Variants in RBFOX1 observed in about 807,000 individuals in gnomAD.
RBFOX1 encodes RNA binding fox-1 homolog 1.
Under a neutral mutation model 57.7 loss-of-function variants are expected in RBFOX1, and 8 were observed. The ratio of observed to expected loss-of-function variants is 0.14; its 90% CI spans 0.08 to 0.25. The LOEUF is 0.25. RBFOX1 is among the 10% of genes least tolerant of loss of function. The pLI is 1.00. For missense variants in RBFOX1, 611 were observed against 548.5 expected, an observed-to-expected ratio of 1.11 and a Z score of -1.14; for synonymous variants, 326 against 222.4, an observed-to-expected ratio of 1.47 and a Z score of -4.15.
chr16:7,656,078 G>T (rs572248308), intron 12 of RBFOX1, among the ~76,000 whole-genome samples: 1 of 152,294 alleles, frequency 6.6e-6, no homozygotes, highest in Non-Finnish European at 1.5e-5. Flanking sequence ...TATAGTGGTG[G>T]ATTGTACCTC....
chr16:6,320,218 T>C (rs1346313772), intron 2 of RBFOX1, among the ~76,000 whole-genome samples: 1 of 152,218 alleles, frequency 6.6e-6, no homozygotes, highest in African/African-American at 2.4e-5. Flanking sequence ...CTGATGCTTG[T>C]ATCACACAGG....
chr16:5,950,397 C>G (rs1406277571), intron 4 of RBFOX1, among the ~76,000 whole-genome samples: 2 of 152,182 alleles, frequency 1.3e-5, no homozygotes, highest in Non-Finnish European at 2.9e-5. Context: ...ATGATACTTA[C>G]TTGAGTTAAT....
chr16:7,256,098 A>G (rs146551709), intron 4 of RBFOX1, among the ~76,000 whole-genome samples: 4 of 152,354 alleles, frequency 2.6e-5, no homozygotes, highest in East Asian at 3.9e-4. Context: ...TTCATTTTTA[A>G]TAGGGAGTGG....
chr16:5,919,503 C>T (rs900897277), intron 4 of RBFOX1, among the ~76,000 whole-genome samples: 8 of 151,802 alleles, frequency 5.3e-5, no homozygotes, highest in East Asian at 3.9e-4. Flanking sequence ...CTGCCAGGCC[C>T]GGCTAATTTT....
chr16:6,897,000 C>T lies in RBFOX1; in HGVS notation c.-15-155057C>T, dbSNP rs566326545. Among the ~76,000 whole-genome samples the T allele has an allele frequency of 1.1e-4, 17 of 152,336 alleles. 1 individual carries two copies. The East Asian group carries it at 3.3e-3, about 29-fold the overall frequency. On this transcript the variant is annotated intron_variant, in intron 3 of 15. Coordinates refer to ENST00000550418, the MANE Select transcript of RBFOX1 (RefSeq NM_018723.4). The stretch of plus-strand genomic sequence containing the variant: ...AAGGAAATGTCGTGGCTAACAGCAG[C>T]AGGGGACGCACCTGTGCAGAGCTCC...
At chr16:6,341,666 A>G (rs1314848353) in intron 2 of RBFOX1, among the ~76,000 whole-genome samples, 1 of 151,992 alleles carries the variant, frequency 6.6e-6, no homozygotes, top group Non-Finnish European at 1.5e-5. Context: ...GTTATGCTGT[A>G]TATAAACAAG....
At chr16:6,525,704 C>T (rs552106419) in intron 2 of RBFOX1, among the ~76,000 whole-genome samples, 4 of 151,994 alleles carry the variant, frequency 2.6e-5, no homozygotes, top group African/African-American at 7.3e-5. Context: ...GTGGGAGGAA[C>T]ACTGTGCTTT....
At chr16:5,452,053 A>G (rs1011644547) in intron 1 of RBFOX1, among the ~76,000 whole-genome samples, 2 of 150,840 alleles carry the variant, frequency 1.3e-5, no homozygotes, top group African/African-American at 4.9e-5. Context: ...GGTTAATGCC[A>G]TCCCCATGGG....
chr16:6,433,024 A>G (rs1219104203), intron 2 of RBFOX1, among the ~76,000 whole-genome samples: 4 of 152,168 alleles, frequency 2.6e-5, no homozygotes, highest in Admixed American at 1.3e-4. Context: ...TGAAATAATC[A>G]TGCTGTCTTA....
chr16:7,334,891 G>A (rs138055514), intron 4 of RBFOX1, among the ~76,000 whole-genome samples: 7 of 152,234 alleles, frequency 4.6e-5, no homozygotes, highest in Admixed American at 1.3e-4. Context: ...TTTTCCAAGC[G>A]ACACCTCTGG....
intron 2 of RBFOX1, among the ~76,000 whole-genome samples, chr16:6,399,413 C>T (rs1166849099): frequency 6.6e-6 from 1 of 152,214 alleles, no homozygotes; most frequent in South Asian, 2.1e-4. Flanking sequence ...TTCCACTGAT[C>T]TCTAGGGCAG....
At position 5,560,155 on chromosome 16, in the gene RBFOX1, G is replaced by A. The variant is rs188794513; in HGVS notation, c.259-38747G>A. ...TCTGAGTATTTGCACATGCCTGACA[G>A]TCTCTTTCCCTTGTGCACACACTTT... On this transcript the variant is annotated intron_variant, in intron 2 of 2. Transcript: ENST00000585867. Among the ~76,000 whole-genome samples the A allele has an allele frequency of 3.3e-4, 50 of 152,198 alleles. 1 individual carries two copies. The highest frequency in any genetic ancestry group is 2.9e-3 in the Admixed American group (45 of 15,274).
intron 4 of RBFOX1, among the ~76,000 whole-genome samples, chr16:7,095,346 C>T (rs951065472): frequency 2.6e-5 from 4 of 152,162 alleles, no homozygotes; most frequent in African/African-American, 7.2e-5. Flanking sequence ...CTATATTGGC[C>T]AGGCTGGTCT....
At chr16:6,624,892 G>C (rs2098281639) in intron 2 of RBFOX1, among the ~76,000 whole-genome samples, 1 of 152,116 alleles carries the variant, frequency 6.6e-6, no homozygotes, top group Non-Finnish European at 1.5e-5. Context: ...GCTGGACGCG[G>C]TTGCTCACGC....
At chr16:6,949,583 T>C (rs974453963) in intron 3 of RBFOX1, among the ~76,000 whole-genome samples, 1 of 152,170 alleles carries the variant, frequency 6.6e-6, no homozygotes, top group Non-Finnish European at 1.5e-5. Flanking sequence ...CTTGGCCTTT[T>C]TTTTTGTGCC....
Position 6,640,494 on chromosome 16 carries a change from G to A in RBFOX1, c.-63-14109G>A, listed in dbSNP as rs558868924. On this transcript the variant is annotated intron_variant, in intron 2 of 15. Coordinates refer to ENST00000550418, the MANE Select transcript of RBFOX1 (RefSeq NM_018723.4). ...CATAGAGCAGGCACCTGTAATCCCA[G>A]GTACTTGGGAGGCTGAGGCAGGAGA... Among the ~76,000 whole-genome samples the A allele has an allele frequency of 3.3e-5, 5 of 152,188 alleles. No individual in the cohort carries two copies. In the East Asian group the frequency reaches 5.8e-4, roughly 18 times the overall value.
intron 4 of RBFOX1, among the ~76,000 whole-genome samples, chr16:7,492,084 A>G (rs10492753): frequency 0.052 from 7,872 of 152,266 alleles, 369 homozygotes; most frequent in East Asian, 0.21. Flanking sequence ...AATTTTCAGC[A>G]TTAAATTTAC....
chr16:7,062,269 G>T (rs868273507), intron 4 of RBFOX1, among the ~76,000 whole-genome samples: 1 of 125,380 alleles, frequency 8.0e-6, no homozygotes, highest in Non-Finnish European at 1.6e-5. Flanking sequence ...AGTGAGCCGA[G>T]ATCATGCCAC....
intron 3 of RBFOX1, among the ~76,000 whole-genome samples, chr16:7,043,304 T>G (rs1769204515): frequency 6.6e-6 from 1 of 152,164 alleles, no homozygotes; most frequent in Admixed American, 6.5e-5. Flanking sequence ...ATCATCATCA[T>G]TATTTTATTC....
Sources: allele counts gnomAD v4.1 joint callset (sites outside exome capture counted in the v4.1 genomes callset), GRCh38; gene constraint gnomAD v4.1.1; transcripts MANE v1.5; gene names NCBI Gene and HGNC (gene_info 2026-07-23, HGNC 2026-07-21).